PRKCE: variants seen among roughly 807,000 people sequenced by gnomAD.
The protein encoded by PRKCE is protein kinase C epsilon.
PRKCE carries 16 observed loss-of-function variants against 85.4 expected under a neutral mutation model. The ratio of observed to expected loss-of-function variants is 0.19; its 90% CI spans 0.13 to 0.28. The LOEUF (loss-of-function observed/expected upper bound fraction) is 0.28, where lower values mean the gene tolerates loss of function less well. Ranked by LOEUF, PRKCE falls within the 10% of genes least tolerant of loss-of-function variation. The pLI, the probability that PRKCE is intolerant of heterozygous loss-of-function variation, is 1.00. For missense variants in PRKCE, 573 were observed against 975.2 expected, an observed-to-expected ratio of 0.59 and a Z score of 5.49; for synonymous variants, 388 against 371.5, an observed-to-expected ratio of 1.04 and a Z score of -0.51.
intron 1 of PRKCE, among the ~76,000 whole-genome samples, chr2:45,735,261 C>T (rs1260889916): frequency 6.6e-6 from 1 of 152,272 alleles, no homozygotes; most frequent in Admixed American, 6.5e-5. Flanking sequence ...TTGAGTTAGA[C>T]ATCGTCCTCC....
chr2:45,852,419 A>T (rs532587415), intron 2 of PRKCE, among the ~76,000 whole-genome samples: 2 of 152,294 alleles, frequency 1.3e-5, no homozygotes, highest in South Asian at 2.1e-4. Context: ...CCTGCTCCAT[A>T]ATTAGTTAAT....
intron 7 of PRKCE, among the ~76,000 whole-genome samples, chr2:46,002,844 G>T (rs1471365629): frequency 6.6e-6 from 1 of 152,226 alleles, no homozygotes; most frequent in Non-Finnish European, 1.5e-5. Context: ...GCTCTAGAGA[G>T]AACCCTTTTC....
chr2:45,805,807 C>T (rs889103104), intron 1 of PRKCE, among the ~76,000 whole-genome samples: 1 of 152,144 alleles, frequency 6.6e-6, no homozygotes, highest in Non-Finnish European at 1.5e-5. Flanking sequence ...CCATGATGGC[C>T]AGGCTGGTCT....
intron 14 of PRKCE, among the ~76,000 whole-genome samples, chr2:46,180,752 C>T (rs1679896931): frequency 1.3e-5 from 2 of 152,224 alleles, no homozygotes; most frequent in African/African-American, 4.8e-5. Flanking sequence ...TCAAGGAAAC[C>T]TATAGTGTGC....
chr2:46,091,303 T>C (rs1670149954), intron 11 of PRKCE, among the ~76,000 whole-genome samples: 1 of 152,168 alleles, frequency 6.6e-6, no homozygotes, highest in Admixed American at 6.5e-5. Flanking sequence ...GGGCTTTCCG[T>C]CCAAGGTTGA....
At chr2:45,764,543 G>A (rs932209706) in intron 1 of PRKCE, among the ~76,000 whole-genome samples, 6 of 152,216 alleles carry the variant, frequency 3.9e-5, no homozygotes, top group Admixed American at 2.6e-4. Flanking sequence ...GTGTGCAGTG[G>A]GACAGGCATG....
chr2:45,686,136 C>T (rs1049635448), intron 1 of PRKCE, among the ~76,000 whole-genome samples: 1 of 152,094 alleles, frequency 6.6e-6, no homozygotes, highest in Non-Finnish European at 1.5e-5. Flanking sequence ...AGTATGCAAG[C>T]AGAAACCCAG....
chr2:45,885,115 C>G (rs910087999), intron 2 of PRKCE, among the ~76,000 whole-genome samples: 23 of 151,412 alleles, frequency 1.5e-4, no homozygotes, highest in Non-Finnish European at 2.9e-4. Context: ...TTTCTTATGA[C>G]TTGGTCTCTC....
chr2:45,677,420 A>G lies in PRKCE; in HGVS notation c.348+24972A>G, dbSNP rs1352836945. 1.6e-4 allele frequency among the ~76,000 whole-genome samples: 23 copies of G among 144,410 alleles called. No homozygotes were observed. In the East Asian group the frequency reaches 1.8e-3, roughly 11 times the overall value. 94.7% of individuals were successfully genotyped at this position (144,410 alleles called of 152,430 possible). On this transcript the variant is annotated intron_variant, in intron 1 of 14. Coordinates refer to ENST00000306156, the MANE Select transcript of PRKCE (RefSeq NM_005400.3). Reference sequence around the variant, plus strand: ...GCCGGACTGCGGACTGCAGTGGCGCAATCTCAGCTCACTGCAAGCTCCGCT... The same window carrying G: ...GCCGGACTGCGGACTGCAGTGGCGCGATCTCAGCTCACTGCAAGCTCCGCT...
Position 45,652,983 on chromosome 2 carries a change from G to C in PRKCE, c.348+535G>C, listed in dbSNP as rs650508. Among the ~76,000 whole-genome samples, 39,167 of 151,974 alleles carry C rather than the reference G, an allele frequency of 0.26. 5,326 individuals are homozygous for C. The highest frequency in any genetic ancestry group is 0.29 in the Non-Finnish European group (19,929 of 67,960). On this transcript the variant is annotated intron_variant, in intron 1 of 14. Coordinates refer to ENST00000306156, the MANE Select transcript of PRKCE (RefSeq NM_005400.3). This position sits in a 1 kb window ranked among gnomAD's most constrained non-coding sequence, Gnocchi z 7.7. ...GGTTAGCTCATCTTCTGACATACAA[G>C]TAGAAAAAATGTGTTCTCCTCCAGG...
intron 2 of PRKCE, among the ~76,000 whole-genome samples, chr2:45,918,503 A>G (rs1401378093): frequency 2.0e-5 from 3 of 152,258 alleles, no homozygotes; most frequent in African/African-American, 7.2e-5. Flanking sequence ...GGAGGAGAAC[A>G]GGGCCAGAAC....
At chr2:45,739,320 C>T (rs957956915) in intron 1 of PRKCE, among the ~76,000 whole-genome samples, 1 of 152,200 alleles carries the variant, frequency 6.6e-6, no homozygotes, top group African/African-American at 2.4e-5. Flanking sequence ...TAAGATCACA[C>T]AGAAGACTGA....
intron 2 of PRKCE, among the ~76,000 whole-genome samples, chr2:45,857,621 C>T (rs1692782597): frequency 6.6e-6 from 1 of 152,052 alleles, no homozygotes; most frequent in Admixed American, 6.5e-5. Flanking sequence ...CTGTGTTGCC[C>T]ATACTGGTCT....
At chr2:46,116,759 C>T (rs1356750967) in intron 11 of PRKCE, among the ~76,000 whole-genome samples, 1 of 151,968 alleles carries the variant, frequency 6.6e-6, no homozygotes, top group East Asian at 1.9e-4. Flanking sequence ...AAAAAAAAAG[C>T]CCCTTGAAGG....
At chr2:45,955,208 G>A (rs1472210493) in intron 2 of PRKCE, among the ~76,000 whole-genome samples, 2 of 152,168 alleles carry the variant, frequency 1.3e-5, no homozygotes, top group African/African-American at 4.8e-5. Context: ...CCCTGATATC[G>A]AAAGGTTTCA....
At position 46,157,422 on chromosome 2, in the gene PRKCE, T is replaced by A. The variant is rs181590915; in HGVS notation, c.1921-2184T>A. Reference sequence around the variant, plus strand: ...TTGTCCTGTTCCCTTAGACATTCAGTAATGTCTGGAGATATTTTTGGTGCT... The same window carrying A: ...TTGTCCTGTTCCCTTAGACATTCAGAAATGTCTGGAGATATTTTTGGTGCT... On this transcript the variant is annotated intron_variant, in intron 13 of 14. Transcript: ENST00000306156. 2.5e-3 allele frequency among the ~76,000 whole-genome samples: 377 copies of A among 152,298 alleles called. 1 individual carries two copies. Among genetic ancestry groups the A allele is most frequent in the African/African-American group, 8.8e-3 (366 of 41,536 alleles).
intron 2 of PRKCE, among the ~76,000 whole-genome samples, chr2:45,900,953 A>G (rs1696533027): frequency 6.6e-6 from 1 of 152,228 alleles, no homozygotes; most frequent in African/African-American, 2.4e-5. Context: ...AAGGCAATAC[A>G]GGTACTGTAA....
chr2:46,063,359 A>AT (rs1667330831), intron 10 of PRKCE, among the ~76,000 whole-genome samples: 1 of 152,148 alleles, frequency 6.6e-6, no homozygotes, highest in African/African-American at 2.4e-5. Flanking sequence ...AAAAAAAAAA[A>AT]AAAAGTCGGG....
At chr2:45,976,857 CTGTGTGTGTG>C (rs56287103) in intron 3 of PRKCE, among the ~76,000 whole-genome samples, 2,548 of 135,032 alleles carry the variant, frequency 0.019, 46 homozygotes, top group African/African-American at 0.043. Context: ...GATATTGTGA[CTGTGTGTGTG>C]TGTGTGTGTG....
Sources: allele counts gnomAD v4.1 joint callset (sites outside exome capture counted in the v4.1 genomes callset), GRCh38; gene constraint gnomAD v4.1.1; non-coding constraint Gnocchi (gnomAD v3.1); transcripts MANE v1.5; gene names NCBI Gene and HGNC (gene_info 2026-07-23, HGNC 2026-07-21).